Variants in ANKFN1 observed in about 807,000 individuals in gnomAD.
ANKFN1 encodes the protein ankyrin repeat and fibronectin type-III domain-containing protein 1.
In ANKFN1, 74 loss-of-function variants were observed where a neutral mutation model predicts 108.7. That is an observed-to-expected ratio of 0.68 (90% confidence interval 0.56 to 0.83). ANKFN1 has a LOEUF of 0.83. Among genes scored for constraint, ANKFN1 ranks in the 40% least tolerant of loss-of-function variants. ANKFN1 has a pLI of 0.00. For synonymous variants in ANKFN1, 547 were observed against 516.2 expected (o/e 1.06, Z -0.81); for missense variants, 1,505 against 1,382.3 (o/e 1.09, Z -1.41).
chr17:56,283,538 T>TATATATATATATATA (rs1263196279), intron 3 of ANKFN1, among the ~76,000 whole-genome samples: 9 of 150,134 alleles, frequency 6.0e-5, no homozygotes, highest in African/African-American at 2.0e-4. Flanking sequence ...TATATATATA[T>TATATATATATATATA]GATGGAATAC....
At chr17:56,257,098 A>G (rs2043377044) in intron 3 of ANKFN1, among the ~76,000 whole-genome samples, 1 of 152,212 alleles carries the variant, frequency 6.6e-6, no homozygotes, top group Admixed American at 6.5e-5. Flanking sequence ...CCAACTTCAA[A>G]GTGTTACAGT....
chr17:56,055,961 C>T (rs574646107), intron 4 of ANKFN1, among the ~76,000 whole-genome samples: 27 of 151,930 alleles, frequency 1.8e-4, no homozygotes, highest in African/African-American at 6.5e-4. Flanking sequence ...ATTTGTGTTT[C>T]TCTGACAATT....
chr17:56,430,967 G>A (rs959548242), intron 8 of ANKFN1, among the ~76,000 whole-genome samples: 1 of 152,168 alleles, frequency 6.6e-6, no homozygotes, highest in African/African-American at 2.4e-5. Flanking sequence ...AATAAATAAC[G>A]AAATAGAAGT....
intron 4 of ANKFN1, among the ~76,000 whole-genome samples, chr17:56,128,927 G>A (rs1235431275): frequency 6.6e-6 from 1 of 152,146 alleles, no homozygotes; most frequent in Non-Finnish European, 1.5e-5. Context: ...CACTGAAGCT[G>A]CCTGCGTGGT....
chr17:56,291,994 G>A (rs189247535), intron 3 of ANKFN1, among the ~76,000 whole-genome samples: 102 of 152,198 alleles, frequency 6.7e-4, no homozygotes, highest in African/African-American at 2.1e-3. Context: ...TGCACCTTTC[G>A]TATCTCCCAA....
chr17:56,087,265 A>G (rs542408667), intron 4 of ANKFN1, among the ~76,000 whole-genome samples: 15 of 151,464 alleles, frequency 9.9e-5, no homozygotes, highest in East Asian at 1.9e-4. Flanking sequence ...GGTCACTGAC[A>G]TGACCTGGAT....
At chr17:56,047,267 G>T (rs1045193592) in intron 4 of ANKFN1, among the ~76,000 whole-genome samples, 2 of 151,570 alleles carry the variant, frequency 1.3e-5, no homozygotes, top group Non-Finnish European at 2.9e-5. Flanking sequence ...TTCCTTAAAG[G>T]CTTTGATGTT....
rs1212242378 is a variant in ANKFN1, at chr17:56,188,581, G to GTGTA, written c.-70-24016_-70-24015insGTAT. ...TGTGTGTATGTGTGTGTGTGTGTGT[G>GTGTA]TATATATATATATATATATATATAT... On this transcript the variant is annotated intron_variant, in intron 1 of 20. Coordinates refer to ENST00000682825, the MANE Select transcript of ANKFN1 (RefSeq NM_001370326.1). 4.6e-3 allele frequency among the ~76,000 whole-genome samples: 228 copies of GTGTA among 49,638 alleles called. 2 individuals are homozygous for GTGTA. Among genetic ancestry groups the GTGTA allele is most frequent in the Middle Eastern group, 0.041 (3 of 74 alleles). 32.6% of individuals were successfully genotyped at this position (49,638 alleles called of 152,430 possible). A position where few individuals can be genotyped will look rare whatever the true frequency, so the allele number is the denominator to read the frequency against.
At chr17:56,317,767 A>G (rs1853592699) in intron 3 of ANKFN1, among the ~76,000 whole-genome samples, 1 of 152,206 alleles carries the variant, frequency 6.6e-6, no homozygotes, top group African/African-American at 2.4e-5. Flanking sequence ...ACACATAATC[A>G]GACAATCTAC....
chr17:56,123,120 G>A (rs922874967), intron 4 of ANKFN1, among the ~76,000 whole-genome samples: 5 of 152,218 alleles, frequency 3.3e-5, no homozygotes, highest in African/African-American at 1.2e-4. Context: ...GGAAACTGAG[G>A]CATGGACAGG....
intron 12 of ANKFN1, 55 bp from the exon 13 acceptor site, chr17:56,457,202 A>T: frequency 2.7e-6 from 4 of 1,484,692 alleles, no homozygotes; most frequent in Non-Finnish European, 3.6e-6. Context: ...CATCCAAAAA[A>T]ATATTTTTCC....
At chr17:56,058,539 T>C (rs967836380) in intron 4 of ANKFN1, among the ~76,000 whole-genome samples, 2 of 121,154 alleles carry the variant, frequency 1.7e-5, no homozygotes, top group Non-Finnish European at 3.1e-5. Flanking sequence ...ACTTGTGCCA[T>C]GGTGGTTCAC....
chr17:56,402,976 G>A (rs1442510481), intron 8 of ANKFN1, among the ~76,000 whole-genome samples: 1 of 151,814 alleles, frequency 6.6e-6, no homozygotes, highest in East Asian at 1.9e-4. Flanking sequence ...GGAGCAGTAT[G>A]CCTGTATTTG....
chr17:56,362,576 T>G (rs1319704779), intron 6 of ANKFN1, among the ~76,000 whole-genome samples: 1 of 152,140 alleles, frequency 6.6e-6, no homozygotes, highest in Non-Finnish European at 1.5e-5. Context: ...GACCCTTATC[T>G]CATACCATAT....
chr17:56,091,001 C>G (rs944605915), intron 4 of ANKFN1, among the ~76,000 whole-genome samples: 1 of 151,314 alleles, frequency 6.6e-6, no homozygotes, highest in African/African-American at 2.4e-5. Flanking sequence ...CTGGGACACA[C>G]TTGTGAACAA....
Position 56,046,239 on chromosome 17 carries a change from GA to G in ANKFN1, c.206del (p.Lys69SerfsTer24). ...TGAAGGTTTGTTTCATTTGCAACAGGAAAAGCAGCAGCAACAGCAGCAGCAG... is the reference window on the plus strand; with the variant it reads ...TGAAGGTTTGTTTCATTTGCAACAGGAAAGCAGCAGCAACAGCAGCAGCAG... On this transcript the variant is annotated frameshift_variant, in exon 4 of 13. Coordinates refer to the ANKFN1 transcript ENST00000635860. LOFTEE classifies it high-confidence loss of function. 1 of 160,186 alleles carries G rather than the reference GA, an allele frequency of 6.2e-6. No homozygotes were observed. Among genetic ancestry groups the G allele is most frequent in the Non-Finnish European group, 1.4e-5 (1 of 72,806 alleles). The allele number at this position is 160,186 out of a possible 1,614,324, so 9.9% of individuals were successfully genotyped here.
chr17:56,105,557 T>C lies in ANKFN1; in HGVS notation c.288+59232T>C, dbSNP rs1352959620. ...CCTCCTTCCCTGCCTCCTGACTTCC[T>C]TTCCTCTCTCTATTTCTTCCTTCTT... On this transcript the variant is annotated intron_variant, in intron 4 of 12. Coordinates refer to the ANKFN1 transcript ENST00000635860. 2.6e-5 allele frequency among the ~76,000 whole-genome samples: 4 copies of C among 152,014 alleles called. No individual in the cohort carries two copies. The South Asian group carries it at 8.3e-4, about 32-fold the overall frequency.
chr17:56,094,884 A>G (rs968334179), intron 4 of ANKFN1, among the ~76,000 whole-genome samples: 1 of 150,842 alleles, frequency 6.6e-6, no homozygotes. Context: ...TGTGCACGTA[A>G]GCTATTCAGA....
At chr17:56,315,128 T>C (rs535691978) in intron 3 of ANKFN1, among the ~76,000 whole-genome samples, 1 of 152,312 alleles carries the variant, frequency 6.6e-6, no homozygotes, top group East Asian at 1.9e-4. Context: ...CTCCTGTCCA[T>C]ATGCCACATT....
Sources: gnomAD v4.1 joint callset for allele counts (sites outside exome capture counted in the v4.1 genomes callset) on GRCh38, gnomAD v4.1.1 for gene constraint, MANE v1.5 for transcripts, NCBI Gene and HGNC (gene_info 2026-07-23, HGNC 2026-07-21) for gene names.